The following CNOT10 variants were observed in gnomAD, a reference collection of about 807,000 sequenced individuals.
CNOT10 encodes the protein CCR4-NOT transcription complex, subunit 10.
CNOT10 carries 30 observed loss-of-function variants against 94.6 expected under a neutral mutation model. That is an observed-to-expected ratio of 0.32 (90% CI 0.24 to 0.43). The LOEUF (loss-of-function observed/expected upper bound fraction) is 0.43. CNOT10 is among the 20% of genes least tolerant of loss of function. CNOT10 has a pLI of 1.00. For missense variants in CNOT10, 759 were observed against 877.2 expected, an observed-to-expected ratio of 0.87 and a Z score of 1.70; for synonymous variants, 289 against 301.6, an observed-to-expected ratio of 0.96 and a Z score of 0.43.
rs1355810530 is a variant in CNOT10, at chr3:32,685,369, G to C, written c.-92G>C. On this transcript the variant is annotated 5_prime_UTR_variant, in exon 1 of 19. Transcript: ENST00000328834. ...GGCCCGGAGCCGGGGTAGGCACAGA[G>C]TTGTCCTCGGAGGTCCAGGACAGCG... 2 of 1,468,518 alleles carry C rather than the reference G, an allele frequency of 1.4e-6. No homozygotes were observed. Among genetic ancestry groups the C allele is most frequent in the East Asian group, 2.5e-5 (1 of 40,452 alleles). 91.0% of individuals were successfully genotyped at this position (1,468,518 alleles called of 1,614,324 possible).
intron 1 of CNOT10, among the ~76,000 whole-genome samples, chr3:32,694,107 T>TG (rs919726786): frequency 6.0e-5 from 9 of 149,592 alleles, no homozygotes; most frequent in South Asian, 2.1e-4. Flanking sequence ...TGGGGTTTGG[T>TG]GGGGGGGTTG....
chr3:32,706,716 C>T (rs1045282331), intron 3 of CNOT10, among the ~76,000 whole-genome samples: 1 of 152,198 alleles, frequency 6.6e-6, no homozygotes, highest in African/African-American at 2.4e-5. Context: ...GCTTTTCTGG[C>T]TAAACTCTTC....
At chr3:32,706,921 A>G (rs1697650111) in intron 3 of CNOT10, among the ~76,000 whole-genome samples, 1 of 152,246 alleles carries the variant, frequency 6.6e-6, no homozygotes, top group Non-Finnish European at 1.5e-5. Flanking sequence ...GAACCATGTC[A>G]AGCTTAACCA....
At chr3:32,737,632 G>C in intron 13 of CNOT10, 142 bp downstream of exon 13, 1 of 513,738 alleles carries the variant, frequency 1.9e-6, no homozygotes, top group East Asian at 3.6e-5. Flanking sequence ...AGACCAGCCT[G>C]GCCAAGATAG....
chr3:32,727,435 T>C (rs868091449), intron 9 of CNOT10, among the ~76,000 whole-genome samples: 1 of 152,208 alleles, frequency 6.6e-6, no homozygotes, highest in Non-Finnish European at 1.5e-5. Context: ...CCTGAGGAGC[T>C]GGCAAATGAG....
In CNOT10 at chr3:32,764,974, A is replaced by C. The variant is rs569090257; in HGVS notation, c.2004+165A>C. 120 of 1,517,412 alleles carry C rather than the reference A, an allele frequency of 7.9e-5. No individual in the cohort carries two copies. In the Admixed American group the frequency reaches 2.1e-3, roughly 26 times the overall value. The allele number at this position is 1,517,412 out of a possible 1,614,324, so 94.0% of individuals were successfully genotyped here. On this transcript the variant is annotated intron_variant, in intron 17 of 18. Transcript: ENST00000328834. The stretch of plus-strand genomic sequence containing the variant: ...CTTGCAAGGTAAACAACTAATCAGC[A>C]TTGTAAATGAACCTAGACACTTAAA...
intron 13 of CNOT10, among the ~76,000 whole-genome samples, chr3:32,755,344 G>C (rs557390707): frequency 7.6e-6 from 1 of 131,680 alleles, no homozygotes; most frequent in Non-Finnish European, 1.6e-5. Context: ...TTGAGACAGA[G>C]TTTCGCTCTT....
chr3:32,769,647 G>A (rs573835985), intron 17 of CNOT10: 4 of 440,366 alleles, frequency 9.1e-6, no homozygotes, highest in African/African-American at 5.9e-5. Context: ...ATGGTTGACT[G>A]TAGTATCGGG....
chr3:32,714,422 T>C (rs1275132751), intron 5 of CNOT10, among the ~76,000 whole-genome samples: 1 of 145,232 alleles, frequency 6.9e-6, no homozygotes, highest in African/African-American at 2.5e-5. Context: ...AAAAAAAAAA[T>C]ACATGGCTGG....
chr3:32,772,696 C>CA (rs200509161), intron 18 of CNOT10, among the ~76,000 whole-genome samples: 4 of 151,874 alleles, frequency 2.6e-5, no homozygotes, highest in East Asian at 3.9e-4. Flanking sequence ...GACTCTGTCT[C>CA]AAAAAAAACC....
chr3:32,731,180 C>G (rs927155581), intron 10 of CNOT10: 1 of 152,128 alleles, frequency 6.6e-6, no homozygotes, highest in Non-Finnish European at 1.5e-5. Flanking sequence ...ATTGCATGGC[C>G]TTCTCTATAC....
At chr3:32,729,270 A>C (rs1210589706) in intron 10 of CNOT10, among the ~76,000 whole-genome samples, 1 of 152,112 alleles carries the variant, frequency 6.6e-6, no homozygotes, top group Admixed American at 6.6e-5. Context: ...GTTTACATTG[A>C]TTTCCATGCT....
At chr3:32,771,017 A>G (rs182982865) in intron 18 of CNOT10, among the ~76,000 whole-genome samples, 3 of 152,210 alleles carry the variant, frequency 2.0e-5, no homozygotes, top group African/African-American at 7.2e-5. Flanking sequence ...CGACCCATCA[A>G]ATTCTTCTAC....
intron 3 of CNOT10, among the ~76,000 whole-genome samples, chr3:32,706,751 T>C (rs1697642867): frequency 6.6e-6 from 1 of 152,262 alleles, no homozygotes; most frequent in Admixed American, 6.5e-5. Flanking sequence ...CTCCATTACA[T>C]AACTACAGAA....
intron 15 of CNOT10, 36 bp from the exon 16 acceptor site, chr3:32,764,419 G>A: frequency 6.2e-7 from 1 of 1,610,188 alleles, no homozygotes; most frequent in Non-Finnish European, 8.5e-7. Flanking sequence ...ATGCTCTGTT[G>A]TTCTGCCCCT....
At chr3:32,717,044 A>G in intron 6 of CNOT10, 110 bp from the exon 7 acceptor site, 1 of 571,964 alleles carries the variant, frequency 1.7e-6, no homozygotes, top group Non-Finnish European at 3.1e-6. Flanking sequence ...TTGATTTAGC[A>G]AGTAATTAGT....
chr3:32,720,090 G>A, intron 7 of CNOT10, 24 bp from the exon 8 acceptor site: 1 of 1,253,194 alleles, frequency 8.0e-7, no homozygotes, highest in Admixed American at 1.9e-5. Context: ...CAAATTATAA[G>A]TAACTTTTAT....
chr3:32,695,505 G>A lies in CNOT10; in HGVS notation c.23-8363G>A, dbSNP rs946091258. The A allele has an allele frequency of 2.8e-6, 4 of 1,412,122 alleles. No individual in the cohort carries two copies. In the African/African-American group the frequency reaches 5.7e-5, roughly 20 times the overall value. 87.5% of individuals were successfully genotyped at this position (1,412,122 alleles called of 1,614,324 possible). On this transcript the variant is annotated intron_variant, in intron 1 of 18. Coordinates refer to ENST00000328834, the MANE Select transcript of CNOT10 (RefSeq NM_015442.3). Reference sequence around the variant, plus strand: ...TAGTCTCCACCAATCAGATTTGAATGATTAACATTCTGTATTGGAATGTGT... The same window carrying A: ...TAGTCTCCACCAATCAGATTTGAATAATTAACATTCTGTATTGGAATGTGT...
In CNOT10 at chr3:32,704,984, A is replaced by AC; in HGVS notation, c.279+12_279+13insC. 6.8e-7 allele frequency: 1 copy of AC among 1,476,190 alleles called. No homozygotes were observed. The highest frequency in any genetic ancestry group is 9.0e-7 in the Non-Finnish European group (1 of 1,111,588). The allele number at this position is 1,476,190 out of a possible 1,614,324, so 91.4% of individuals were successfully genotyped here. On this transcript the variant is annotated intron_variant, in intron 3 of 18. Coordinates refer to ENST00000328834, the MANE Select transcript of CNOT10 (RefSeq NM_015442.3). ...AGCTGAAGAATCAGGTGATACATAA[A>AC]TGAATTTAACTATAAAAAATATTGT...
Sources: gnomAD v4.1 joint callset for allele counts (sites outside exome capture counted in the v4.1 genomes callset) on GRCh38, gnomAD v4.1.1 for gene constraint, MANE v1.5 for transcripts, NCBI Gene and HGNC (gene_info 2026-07-23, HGNC 2026-07-21) for gene names.